The following YEATS2 variants were observed in gnomAD, a reference collection of about 807,000 sequenced individuals.
The protein encoded by YEATS2 is YEATS domain containing 2, also known as YEATS domain-containing protein 2.
A neutral mutation model predicts 163.2 loss-of-function variants in YEATS2; 77 were observed. The ratio of observed to expected loss-of-function variants is 0.47; its 90% CI spans 0.39 to 0.57. The LOEUF (loss-of-function observed/expected upper bound fraction) is 0.57. YEATS2 is among the 20% of genes least tolerant of loss of function. YEATS2 has a pLI of 0.00. For synonymous variants in YEATS2, 631 were observed against 645.1 expected (o/e 0.98, Z 0.33); for missense variants, 1,549 against 1,729.8 (o/e 0.90, Z 1.85).
intron 8 of YEATS2, among the ~76,000 whole-genome samples, chr3:183,740,879 C>A (rs1436274357): frequency 6.6e-6 from 1 of 152,164 alleles, no homozygotes; most frequent in Non-Finnish European, 1.5e-5. Context: ...GAGGAGAAGT[C>A]AATGCCTGGC....
In YEATS2 at chr3:183,773,806, C is replaced by T. The variant is rs1722710242; in HGVS notation, c.2368+12C>T. On this transcript the variant is annotated intron_variant, in intron 17 of 30. Coordinates refer to ENST00000305135, the MANE Select transcript of YEATS2 (RefSeq NM_018023.5). The stretch of plus-strand genomic sequence containing the variant: ...TACGAACAATGCTAGTTAGTGAAAC[C>T]ATTGGGTTGAATCATTTGGTTCTTG... The T allele has an allele frequency of 2.5e-6, 4 of 1,596,248 alleles. No individual in the cohort carries two copies. Among genetic ancestry groups the T allele is most frequent in the Non-Finnish European group, 3.4e-6 (4 of 1,173,976 alleles).
intron 9 of YEATS2, among the ~76,000 whole-genome samples, chr3:183,750,645 C>G (rs1340566212): frequency 6.6e-6 from 1 of 152,062 alleles, no homozygotes; most frequent in Admixed American, 6.6e-5. Flanking sequence ...GATGTGATAT[C>G]TTGTGGTTTT....
intron 5 of YEATS2, among the ~76,000 whole-genome samples, chr3:183,723,089 G>A (rs933953694): frequency 6.6e-5 from 10 of 152,344 alleles, no homozygotes; most frequent in South Asian, 6.2e-4. Context: ...CAACTCTGTC[G>A]TGTTTATTCT....
intron 1 of YEATS2, among the ~76,000 whole-genome samples, chr3:183,708,698 C>T (rs1714874601): frequency 6.6e-6 from 1 of 151,952 alleles, no homozygotes; most frequent in Admixed American, 6.6e-5. Flanking sequence ...AGACCCCCGT[C>T]TCTTTAAAAA....
intron 17 of YEATS2, among the ~76,000 whole-genome samples, chr3:183,774,821 C>T (rs1722807946): frequency 6.6e-6 from 1 of 152,166 alleles, no homozygotes; most frequent in African/African-American, 2.4e-5. Flanking sequence ...GTTCCACTCT[C>T]ACTTGGTGTT....
In YEATS2 at chr3:183,697,837, G is replaced by C. The variant is rs1335512092; in HGVS notation, c.-176G>C. On this transcript the variant is annotated 5_prime_UTR_variant, in exon 1 of 31. Transcript: ENST00000305135. Reference sequence around the variant, plus strand: ...TGACGTGCGGGGCGGAACGCGCCGGGCGGGCTCCACCGCGCCGTGTGCTTC... The same window carrying C: ...TGACGTGCGGGGCGGAACGCGCCGGCCGGGCTCCACCGCGCCGTGTGCTTC... The C allele has an allele frequency of 6.6e-6, 1 of 150,432 alleles. No homozygotes were observed. The highest frequency in any genetic ancestry group is 1.9e-4 in the East Asian group (1 of 5,140). 9.3% of individuals were successfully genotyped at this position (150,432 alleles called of 1,614,324 possible).
chr3:183,728,950 G>A (rs560121155), intron 7 of YEATS2, 99 bp downstream of exon 7: 19 of 1,309,122 alleles, frequency 1.5e-5, no homozygotes, highest in Middle Eastern at 4.0e-4. Context: ...TGGAAATGCA[G>A]TAGTAATTGA....
intron 15 of YEATS2, among the ~76,000 whole-genome samples, chr3:183,763,379 A>G (rs1721576748): frequency 6.6e-6 from 1 of 152,246 alleles, no homozygotes; most frequent in Non-Finnish European, 1.5e-5. Flanking sequence ...GTAAAAATAC[A>G]GTGTTATAAT....
Position 183,772,432 on chromosome 3 carries a change from T to A in YEATS2, c.2075T>A (p.Val692Asp). The change falls in exon 16 of 31, where the codon GTT becomes GAT. Residue 692 changes from valine (V) to aspartate (D), a missense_variant. Transcript: ENST00000305135. ...TCCAAAGCAGTTGGGCCAAAGCAAGTTGTAACCCAAGGAGTTGCCAAAGCA... is the reference window on the plus strand; with the variant it reads ...TCCAAAGCAGTTGGGCCAAAGCAAGATGTAACCCAAGGAGTTGCCAAAGCA... ...SVSKAVGPKQVVTQGVAKAIV... is the reference protein window; with the variant it reads ...SVSKAVGPKQDVTQGVAKAIV... The A allele has an allele frequency of 1.2e-6, 2 of 1,614,138 alleles. No individual in the cohort carries two copies. The highest frequency in any genetic ancestry group is 1.7e-6 in the Non-Finnish European group (2 of 1,180,020).
At chr3:183,706,403 A>G (rs1324366300) in intron 1 of YEATS2, among the ~76,000 whole-genome samples, 2 of 152,168 alleles carry the variant, frequency 1.3e-5, no homozygotes, top group African/African-American at 4.8e-5. Flanking sequence ...TATTTGAAGG[A>G]TTCAAGCAGG....
chr3:183,771,235 C>T (rs899298605), intron 15 of YEATS2, among the ~76,000 whole-genome samples: 1 of 152,070 alleles, frequency 6.6e-6, no homozygotes, highest in Admixed American at 6.6e-5. Context: ...ACAGCACTTC[C>T]TATTTTGTCT....
At chr3:183,778,338 A>T (rs1303917063) in intron 19 of YEATS2, among the ~76,000 whole-genome samples, 2 of 152,204 alleles carry the variant, frequency 1.3e-5, no homozygotes, top group Non-Finnish European at 2.9e-5. Context: ...TTAAAGTCAC[A>T]CTATTTGTGA....
intron 9 of YEATS2, among the ~76,000 whole-genome samples, chr3:183,750,848 C>A (rs1305966119): frequency 1.3e-5 from 2 of 151,972 alleles, no homozygotes; most frequent in Non-Finnish European, 2.9e-5. Flanking sequence ...GATAGTAACC[C>A]CTTACCAGAT....
In YEATS2 at chr3:183,717,610, G is replaced by T. The variant is rs375883155; in HGVS notation, c.101-41G>T. On this transcript the variant is annotated intron_variant, in intron 2 of 30. Coordinates refer to ENST00000305135, the MANE Select transcript of YEATS2 (RefSeq NM_018023.5). The stretch of plus-strand genomic sequence containing the variant: ...GCTGACTTAAATAAAGACAGTCACT[G>T]ATTAATTAGGCCTTGGATGTATTTT... 563 of 1,403,738 alleles carry T rather than the reference G, an allele frequency of 4.0e-4. 1 individual carries two copies. The highest frequency in any genetic ancestry group is 2.5e-3 in the Middle Eastern group (14 of 5,672). 87.0% of individuals were successfully genotyped at this position (1,403,738 alleles called of 1,614,324 possible).
At chr3:183,789,858 C>T (rs1369372719) in intron 20 of YEATS2, among the ~76,000 whole-genome samples, 1 of 152,024 alleles carries the variant, frequency 6.6e-6, no homozygotes, top group East Asian at 1.9e-4. Flanking sequence ...AATTTTTGTA[C>T]GTGGTGTGAG....
At position 183,792,643 on chromosome 3, in the gene YEATS2, G is replaced by A. The variant is rs149725874; in HGVS notation, c.3097+1663G>A. Among the ~76,000 whole-genome samples the A allele has an allele frequency of 8.4e-3, 1,281 of 152,086 alleles. 11 individuals carry two copies. Among genetic ancestry groups the A allele is most frequent in the Middle Eastern group, 0.02 (6 of 294 alleles). On this transcript the variant is annotated intron_variant, in intron 21 of 30. Coordinates refer to ENST00000305135, the MANE Select transcript of YEATS2 (RefSeq NM_018023.5). ...AGCGATTCTCCTGCCTCAGCTTCCC[G>A]ACTAGCTGGGATTACAGGCACCCGC...
chr3:183,773,203 G>A (rs1372591471), intron 16 of YEATS2, among the ~76,000 whole-genome samples: 1 of 152,152 alleles, frequency 6.6e-6, no homozygotes, highest in African/African-American at 2.4e-5. Context: ...TGCCAGTTAG[G>A]AGCACACATT....
At chr3:183,760,069 G>A (rs1004554190) in intron 13 of YEATS2, among the ~76,000 whole-genome samples, 1 of 152,142 alleles carries the variant, frequency 6.6e-6, no homozygotes, top group African/African-American at 2.4e-5. Flanking sequence ...CACTAATGAT[G>A]ATATTGAATG....
At chr3:183,767,346 C>T (rs1019574348) in intron 15 of YEATS2, among the ~76,000 whole-genome samples, 6 of 151,876 alleles carry the variant, frequency 4.0e-5, no homozygotes, top group Non-Finnish European at 7.4e-5. Context: ...CTACTTCAGC[C>T]TTAGCTGGGA....
Sources: allele counts gnomAD v4.1 joint callset (sites outside exome capture counted in the v4.1 genomes callset), GRCh38; gene constraint gnomAD v4.1.1; transcripts MANE v1.5; gene names NCBI Gene and HGNC (gene_info 2026-07-23, HGNC 2026-07-21).